The following XIRP2 variants were observed in gnomAD, a reference collection of about 807,000 sequenced individuals.
XIRP2 encodes xin actin-binding repeat-containing protein 2.
A neutral mutation model predicts 277.0 loss-of-function variants in XIRP2; 236 were observed. That is an observed-to-expected ratio of 0.85 (90% CI 0.77 to 0.95). The LOEUF (loss-of-function observed/expected upper bound fraction) is 0.95, where lower values mean the gene tolerates loss of function less well. Ranked by LOEUF, XIRP2 falls within the 40% of genes least tolerant of loss-of-function variation. The pLI, the probability that XIRP2 is intolerant of heterozygous loss-of-function variation, is 0.00. For missense variants in XIRP2, 4,640 were observed against 4,157.5 expected, an observed-to-expected ratio of 1.12 and a Z score of -3.19; for synonymous variants, 1,490 against 1,416.5, an observed-to-expected ratio of 1.05 and a Z score of -1.17.
chr2:167,099,220 A>G (rs1690419198), intron 2 of XIRP2, among the ~76,000 whole-genome samples: 1 of 152,118 alleles, frequency 6.6e-6, no homozygotes, highest in Non-Finnish European at 1.5e-5. Flanking sequence ...GGAGGAATCT[A>G]GAGAGGCAGT....
intron 2 of XIRP2, among the ~76,000 whole-genome samples, chr2:167,014,467 A>G (rs1043908733): frequency 6.6e-6 from 1 of 151,804 alleles, no homozygotes; most frequent in Non-Finnish European, 1.5e-5. Context: ...GAAAGTTGTT[A>G]GAAATTTGAA....
chr2:167,200,432 C>G (rs1693649492), intron 3 of XIRP2, among the ~76,000 whole-genome samples: 1 of 152,126 alleles, frequency 6.6e-6, no homozygotes, highest in Non-Finnish European at 1.5e-5. Flanking sequence ...ACATGAGGAA[C>G]CATTAAGGGG....
intron 2 of XIRP2, among the ~76,000 whole-genome samples, chr2:166,930,383 T>C (rs952056150): frequency 6.6e-6 from 1 of 152,138 alleles, no homozygotes; most frequent in African/African-American, 2.4e-5. Flanking sequence ...CAAAGGAACA[T>C]TTTCTTCTTG....
chr2:166,979,343 C>CCTTTTCTTTT (rs770470679), intron 2 of XIRP2, among the ~76,000 whole-genome samples: 9 of 143,068 alleles, frequency 6.3e-5, no homozygotes, highest in South Asian at 2.4e-4. Context: ...GGCTGTGTTT[C>CCTTTTCTTTT]CTTTTCTTTT....
At chr2:167,178,848 A>G (rs1692929676) in intron 3 of XIRP2, among the ~76,000 whole-genome samples, 2 of 152,138 alleles carry the variant, frequency 1.3e-5, no homozygotes, top group Non-Finnish European at 2.9e-5. Context: ...TGTTTTGTTC[A>G]TCTGTAAACA....
At position 167,248,248 on chromosome 2, in the gene XIRP2, G is replaced by A; in HGVS notation, c.6856G>A (p.Glu2286Lys). 1 of 1,612,318 alleles carries A rather than the reference G, an allele frequency of 6.2e-7. No homozygotes were observed. Among genetic ancestry groups the A allele is most frequent in the Non-Finnish European group, 8.5e-7 (1 of 1,179,306 alleles). ...FNPENNVKES[E>K]CPLPPPSPPP... Reference sequence around the variant, plus strand: ...CCCTGAGAATAATGTAAAAGAAAGTGAGTGCCCCCTTCCACCTCCATCTCC... The same window carrying A: ...CCCTGAGAATAATGTAAAAGAAAGTAAGTGCCCCCTTCCACCTCCATCTCC... Residue 2286 changes from glutamate to lysine, a missense_variant, in exon 9 of 11, where the codon GAG (glutamate) becomes AAG (lysine). Coordinates refer to ENST00000409195, the MANE Select transcript of XIRP2 (RefSeq NM_152381.6).
intron 3 of XIRP2, among the ~76,000 whole-genome samples, chr2:167,163,482 T>C (rs1692428458): frequency 6.6e-6 from 1 of 152,230 alleles, no homozygotes; most frequent in Non-Finnish European, 1.5e-5. Context: ...TCTATTCAAC[T>C]ACTTGCCCAT....
intron 2 of XIRP2, among the ~76,000 whole-genome samples, chr2:166,904,109 A>T (rs1328684945): frequency 1.3e-5 from 2 of 152,124 alleles, no homozygotes; most frequent in Non-Finnish European, 2.9e-5. Context: ...CATAAAAACA[A>T]TATTGATATG....
At chr2:167,154,343 T>A (rs1692117740) in intron 3 of XIRP2, among the ~76,000 whole-genome samples, 1 of 151,624 alleles carries the variant, frequency 6.6e-6, no homozygotes, top group East Asian at 1.9e-4. Flanking sequence ...GAAAATTTTC[T>A]TCCATTTTGT....
At chr2:167,138,096 T>C (rs1457549549) in intron 3 of XIRP2, among the ~76,000 whole-genome samples, 1 of 152,216 alleles carries the variant, frequency 6.6e-6, no homozygotes, top group Non-Finnish European at 1.5e-5. Context: ...TAAAGTGTGA[T>C]AACTGAAAGA....
intron 2 of XIRP2, among the ~76,000 whole-genome samples, chr2:166,905,795 A>G (rs977987272): frequency 6.6e-6 from 1 of 151,956 alleles, no homozygotes; most frequent in Admixed American, 6.6e-5. Flanking sequence ...AGAGAGCTCA[A>G]TGAGGAATTA....
At chr2:167,090,115 A>G (rs1231024641) in intron 2 of XIRP2, among the ~76,000 whole-genome samples, 2 of 152,140 alleles carry the variant, frequency 1.3e-5, no homozygotes, top group Non-Finnish European at 2.9e-5. Context: ...TTGTGTCTTT[A>G]TGAACTTACT....
chr2:166,969,216 A>G (rs1686508593), intron 2 of XIRP2, among the ~76,000 whole-genome samples: 1 of 152,026 alleles, frequency 6.6e-6, no homozygotes, highest in African/African-American at 2.4e-5. Flanking sequence ...GTCTATGCCA[A>G]CTTCCAAAAC....
chr2:167,258,523 T>G lies in XIRP2; in HGVS notation c.*706T>G. The G allele has an allele frequency of 6.2e-7, 1 of 1,613,058 alleles. No individual in the cohort carries two copies. ...ACAGGAAAAGTGCTATGGATCTTAA[T>G]GACAACAATAATGTGATTGTGCAGA... is the stretch of plus-strand genomic sequence containing the variant. On this transcript the variant is annotated 3_prime_UTR_variant, in exon 11 of 11. Coordinates refer to ENST00000409195, the MANE Select transcript of XIRP2 (RefSeq NM_152381.6).
At chr2:166,925,599 A>G (rs1442878406) in intron 2 of XIRP2, among the ~76,000 whole-genome samples, 28 of 63,506 alleles carry the variant, frequency 4.4e-4, no homozygotes, top group African/African-American at 1.7e-3. Context: ...GTATATACAT[A>G]TATATATATA....
intron 2 of XIRP2, among the ~76,000 whole-genome samples, chr2:166,941,349 T>C (rs1378995323): frequency 6.6e-6 from 1 of 152,222 alleles, no homozygotes; most frequent in Non-Finnish European, 1.5e-5. Flanking sequence ...CTGTCACAGC[T>C]TCCCTTGGCT....
intron 5 of XIRP2, among the ~76,000 whole-genome samples, chr2:167,237,839 A>T (rs1161557825): frequency 6.6e-6 from 1 of 152,170 alleles, no homozygotes; most frequent in Admixed American, 6.5e-5. Flanking sequence ...GAATATTCCC[A>T]CTATATGCCT....
At chr2:167,198,320 G>T (rs1250727859) in intron 3 of XIRP2, among the ~76,000 whole-genome samples, 4 of 152,104 alleles carry the variant, frequency 2.6e-5, no homozygotes, top group African/African-American at 9.7e-5. Context: ...GATTGCATCA[G>T]AGTTTTGATA....
chr2:167,003,725 A>G (rs1252183435), intron 2 of XIRP2, among the ~76,000 whole-genome samples: 2 of 151,940 alleles, frequency 1.3e-5, no homozygotes, highest in African/African-American at 4.8e-5. Context: ...GAAGCAATGG[A>G]AAGCTGCTGG....
Sources: gnomAD v4.1 joint callset for allele counts (sites outside exome capture counted in the v4.1 genomes callset) on GRCh38, gnomAD v4.1.1 for gene constraint, MANE v1.5 for transcripts, NCBI Gene and HGNC (gene_info 2026-07-23, HGNC 2026-07-21) for gene names.